GRIN2A: variants seen among roughly 807,000 people sequenced by gnomAD.
GRIN2A encodes the protein glutamate receptor ionotropic, NMDA 2A.
In GRIN2A, 22 loss-of-function variants were observed where a neutral mutation model predicts 113.4. The observed-to-expected ratio is 0.19, with a 90% CI of 0.14 to 0.28. GRIN2A has a LOEUF of 0.28. Among genes scored for constraint, GRIN2A ranks in the 10% least tolerant of loss-of-function variants. The pLI, the probability that GRIN2A is intolerant of heterozygous loss-of-function variation, is 1.00. For synonymous variants in GRIN2A, 827 were observed against 738.4 expected (o/e 1.12, Z -1.94); for missense variants, 1,502 against 1,887.0 (o/e 0.80, Z 3.78).
intron 2 of GRIN2A, among the ~76,000 whole-genome samples, chr16:9,986,367 C>T (rs938593900): frequency 3.9e-5 from 6 of 152,118 alleles, no homozygotes; most frequent in African/African-American, 1.4e-4. Flanking sequence ...AAAAACTTCA[C>T]CAAAGAGTTA....
intron 2 of GRIN2A, among the ~76,000 whole-genome samples, chr16:10,021,893 C>T (rs993002056): frequency 3.3e-5 from 5 of 152,080 alleles, no homozygotes; most frequent in Non-Finnish European, 7.4e-5. Flanking sequence ...GACTCTCTGC[C>T]CCCAGTGATG....
chr16:10,083,945 A>T (rs554314547), intron 2 of GRIN2A, among the ~76,000 whole-genome samples: 21 of 152,248 alleles, frequency 1.4e-4, no homozygotes, highest in African/African-American at 5.1e-4. Flanking sequence ...CTACAAAAAA[A>T]TACAAATATG....
intron 12 of GRIN2A, 98 bp from the exon 13 acceptor site, chr16:9,765,046 T>A: frequency 1.3e-6 from 2 of 1,502,584 alleles, no homozygotes; most frequent in Non-Finnish European, 1.8e-6. Context: ...GATTTGCACT[T>A]CTTGCAGGAG....
At chr16:10,101,193 A>G (rs953845227) in intron 2 of GRIN2A, among the ~76,000 whole-genome samples, 11 of 152,194 alleles carry the variant, frequency 7.2e-5, no homozygotes, top group Non-Finnish European at 8.8e-5. Context: ...TCTGGTCTGC[A>G]TGGTGGTCTG....
intron 2 of GRIN2A, among the ~76,000 whole-genome samples, chr16:10,142,671 T>C (rs141058149): frequency 2.0e-5 from 3 of 152,140 alleles, no homozygotes; most frequent in African/African-American, 7.2e-5. Flanking sequence ...TGTACTCTAG[T>C]ATGGGCAATA....
At chr16:10,130,705 G>T (rs537415457) in intron 2 of GRIN2A, among the ~76,000 whole-genome samples, 2 of 152,158 alleles carry the variant, frequency 1.3e-5, no homozygotes, top group Non-Finnish European at 1.5e-5. Context: ...TATAACCCAG[G>T]GGACTCTCTC....
intron 2 of GRIN2A, among the ~76,000 whole-genome samples, chr16:10,038,249 C>A (rs962344814): frequency 1.3e-5 from 2 of 152,012 alleles, no homozygotes; most frequent in African/African-American, 4.8e-5. Flanking sequence ...TGCCCTAATC[C>A]CATTCATGAC....
chr16:9,965,422 T>C (rs2045535884), intron 2 of GRIN2A, among the ~76,000 whole-genome samples: 1 of 152,110 alleles, frequency 6.6e-6, no homozygotes, highest in African/African-American at 2.4e-5. Flanking sequence ...AGTTGGGCAG[T>C]GAGGAAGCCA....
chr16:10,159,548 A>G (rs551771182), intron 2 of GRIN2A, among the ~76,000 whole-genome samples: 1 of 152,164 alleles, frequency 6.6e-6, no homozygotes, highest in Non-Finnish European at 1.5e-5. Context: ...CAAAAGGCAG[A>G]TCATCATCAA....
At chr16:9,814,880 C>T (rs1041130100) in intron 10 of GRIN2A, among the ~76,000 whole-genome samples, 7 of 152,062 alleles carry the variant, frequency 4.6e-5, no homozygotes, top group Admixed American at 4.6e-4. Context: ...ATTGACAGGG[C>T]ATGGTGTTGC....
At chr16:9,807,946 A>G (rs1259450472) in intron 10 of GRIN2A, among the ~76,000 whole-genome samples, 2 of 152,180 alleles carry the variant, frequency 1.3e-5, no homozygotes, top group Non-Finnish European at 2.9e-5. Flanking sequence ...GTGAATTGCA[A>G]AGCACTATGC....
At chr16:9,832,085 AT>A (rs869309050) in intron 8 of GRIN2A, among the ~76,000 whole-genome samples, 1 of 132,704 alleles carries the variant, frequency 7.5e-6, no homozygotes, top group Non-Finnish European at 1.6e-5. Flanking sequence ...CGCCAGGCTT[AT>A]TTTATTTATT....
chr16:10,158,858 T>C (rs2049755890), intron 2 of GRIN2A, among the ~76,000 whole-genome samples: 1 of 152,226 alleles, frequency 6.6e-6, no homozygotes, highest in Non-Finnish European at 1.5e-5. Context: ...CACAACATTG[T>C]GAACGTACTA....
chr16:10,179,893 C>CCCCACACAAAAAAAA, intron 2 of GRIN2A, 105 bp downstream of exon 2: 1 of 719,818 alleles, frequency 1.4e-6, no homozygotes, highest in Non-Finnish European at 2.4e-6. Context: ...CCCCCACCCC[C>CCCCACACAAAAAAAA]ACTTCACATC....
Position 10,097,154 on chromosome 16 carries a change from C to T in GRIN2A, c.414+82844G>A, listed in dbSNP as rs530817392. ...GCGAGATCAGGCCTCAGGCTCTGAGCCTTAGGCAGCAGTCTCTGAGCTGTT... is the reference window on the plus strand; with the variant it reads ...GCGAGATCAGGCCTCAGGCTCTGAGTCTTAGGCAGCAGTCTCTGAGCTGTT... On this transcript the variant is annotated intron_variant, in intron 2 of 12. Transcript: ENST00000330684. Among the ~76,000 whole-genome samples the T allele has an allele frequency of 2.6e-5, 4 of 152,260 alleles. No homozygotes were observed. In the South Asian group the frequency reaches 8.3e-4, roughly 32 times the overall value.
In GRIN2A at chr16:10,003,254, G is replaced by A. The variant is rs138459766; in HGVS notation, c.415-64703C>T. Reference sequence around the variant, plus strand: ...GAAATCCTGGATTCTGATTCCAATGGGAGAGGCATGGAATGGTCAAAAGGG... The same window carrying A: ...GAAATCCTGGATTCTGATTCCAATGAGAGAGGCATGGAATGGTCAAAAGGG... On this transcript the variant is annotated intron_variant, in intron 2 of 12. Transcript: ENST00000330684. Among the ~76,000 whole-genome samples the A allele has an allele frequency of 1.9e-3, 292 of 152,248 alleles. 5 individuals are homozygous for A. In the East Asian group the frequency reaches 0.026, roughly 13 times the overall value.
chr16:9,892,751 G>T (rs181072417), intron 3 of GRIN2A, among the ~76,000 whole-genome samples: 170 of 152,140 alleles, frequency 1.1e-3, no homozygotes, highest in African/African-American at 3.8e-3. Flanking sequence ...CAAGGGATCC[G>T]CTCTCCTTGC....
At chr16:9,950,087 T>C (rs891276944) in intron 2 of GRIN2A, among the ~76,000 whole-genome samples, 3 of 152,146 alleles carry the variant, frequency 2.0e-5, no homozygotes, top group African/African-American at 4.8e-5. Flanking sequence ...TTACTTGCTC[T>C]CTAGGATTCA....
At chr16:10,032,616 C>T (rs12599024) in intron 2 of GRIN2A, among the ~76,000 whole-genome samples, 27,714 of 152,150 alleles carry the variant, frequency 0.18, 2,871 homozygotes, top group East Asian at 0.35. Flanking sequence ...ATTTCACAGA[C>T]GAGGAACTGA....
Sources: gnomAD v4.1 joint callset for allele counts (sites outside exome capture counted in the v4.1 genomes callset) on GRCh38, gnomAD v4.1.1 for gene constraint, MANE v1.5 for transcripts, NCBI Gene and HGNC (gene_info 2026-07-23, HGNC 2026-07-21) for gene names.